DGKB: variants seen among roughly 807,000 people sequenced by gnomAD.
The protein encoded by DGKB is diacylglycerol kinase beta, also known as 90 kDa diacylglycerol kinase.
Under a neutral mutation model 114.3 loss-of-function variants are expected in DGKB, and 67 were observed. The observed-to-expected ratio is 0.59, with a 90% CI of 0.48 to 0.72. The LOEUF (loss-of-function observed/expected upper bound fraction) is 0.72, where lower values mean the gene tolerates loss of function less well. Among genes scored for constraint, DGKB ranks in the 30% least tolerant of loss-of-function variants. The pLI is 0.00. For missense variants in DGKB, 907 were observed against 975.2 expected, an observed-to-expected ratio of 0.93 and a Z score of 0.93; for synonymous variants, 398 against 323.1, an observed-to-expected ratio of 1.23 and a Z score of -2.49.
intron 2 of DGKB, among the ~76,000 whole-genome samples, chr7:14,819,467 G>A (rs1844607806): frequency 6.6e-6 from 1 of 152,102 alleles, no homozygotes; most frequent in African/African-American, 2.4e-5. Context: ...GCCTATGCCT[G>A]TGGTCCCAGC....
intron 2 of DGKB, among the ~76,000 whole-genome samples, chr7:14,765,476 G>GTT (rs1285053892): frequency 6.6e-6 from 1 of 151,858 alleles, no homozygotes; most frequent in Admixed American, 6.6e-5. Flanking sequence ...TATTATCGTT[G>GTT]TTAATCCTCT....
intron 21 of DGKB, among the ~76,000 whole-genome samples, chr7:14,476,994 C>A (rs2128902565): frequency 6.6e-6 from 1 of 152,200 alleles, no homozygotes; most frequent in Non-Finnish European, 1.5e-5. Flanking sequence ...TCATGATCTG[C>A]CCGCCTTGGC....
Position 14,171,785 on chromosome 7 carries a change from T to C in DGKB, c.2304+5054A>G, listed in dbSNP as rs115581547. On this transcript the variant is annotated intron_variant, in intron 25 of 25. Coordinates refer to ENST00000402815, the MANE Select transcript of DGKB (RefSeq NM_001350709.2). The stretch of plus-strand genomic sequence containing the variant: ...AGAAAAACACTTTTTAAAAATGTTA[T>C]ACTACCCTAAGAAGTATTTCAGAAA... 3.0e-3 allele frequency among the ~76,000 whole-genome samples: 454 copies of C among 152,318 alleles called. 2 individuals are homozygous for C. The highest frequency in any genetic ancestry group is 0.01 in the African/African-American group (430 of 41,576).
intron 1 of DGKB, among the ~76,000 whole-genome samples, chr7:14,942,123 T>G (rs1785600223): frequency 6.6e-6 from 1 of 151,992 alleles, no homozygotes. Flanking sequence ...AAAACTTTTT[T>G]TTTTTAGATT....
At chr7:14,763,938 T>A (rs1049867352) in intron 2 of DGKB, among the ~76,000 whole-genome samples, 2 of 151,938 alleles carry the variant, frequency 1.3e-5, no homozygotes, top group African/African-American at 4.8e-5. Context: ...AATATGATAG[T>A]TTTTACAAAG....
chr7:14,295,747 G>A (rs1802430709), intron 23 of DGKB, among the ~76,000 whole-genome samples: 1 of 152,024 alleles, frequency 6.6e-6, no homozygotes, highest in African/African-American at 2.4e-5. Flanking sequence ...GGATACATGT[G>A]CAGAACATGC....
intron 21 of DGKB, among the ~76,000 whole-genome samples, chr7:14,391,527 A>T (rs1023504286): frequency 1.8e-4 from 28 of 151,966 alleles, no homozygotes; most frequent in Non-Finnish European, 1.2e-4. Context: ...AAAATAAAAA[A>T]AAAAAAAGGA....
chr7:14,649,409 A>T (rs1277105130), intron 13 of DGKB, among the ~76,000 whole-genome samples: 2 of 149,906 alleles, frequency 1.3e-5, no homozygotes, highest in East Asian at 4.0e-4. Context: ...TTCATAAGTG[A>T]AGGAGAAATA....
At chr7:14,231,129 T>TTCTTTCTTTCTTTC (rs1554297210) in intron 23 of DGKB, among the ~76,000 whole-genome samples, 42 of 140,428 alleles carry the variant, frequency 3.0e-4, no homozygotes, top group African/African-American at 1.0e-3. Context: ...CTTTCTTTCT[T>TTCTTTCTTTCTTTC]TCTTTCTTTC....
intron 23 of DGKB, among the ~76,000 whole-genome samples, chr7:14,242,045 G>T (rs896430348): frequency 5.3e-5 from 8 of 151,398 alleles, no homozygotes; most frequent in East Asian, 3.9e-4. Flanking sequence ...TATATTGAAA[G>T]GTCAATATGG....
chr7:14,312,369 C>A (rs565769544), intron 23 of DGKB, among the ~76,000 whole-genome samples: 1 of 152,282 alleles, frequency 6.6e-6, no homozygotes, highest in East Asian at 1.9e-4. Context: ...AACATTTGCA[C>A]TGATGAAGCA....
chr7:14,835,484 T>C (rs529408508), intron 2 of DGKB, among the ~76,000 whole-genome samples: 3 of 152,316 alleles, frequency 2.0e-5, no homozygotes, highest in African/African-American at 7.2e-5. Context: ...CACTGCGAAA[T>C]GGCCCTGTGC....
At chr7:14,874,707 T>C (rs1045030523) in intron 1 of DGKB, among the ~76,000 whole-genome samples, 4 of 152,022 alleles carry the variant, frequency 2.6e-5, no homozygotes, top group Non-Finnish European at 5.9e-5. Context: ...CCATCTGAAA[T>C]ACTGCTTTTT....
intron 20 of DGKB, among the ~76,000 whole-genome samples, chr7:14,497,359 C>T (rs147824388): frequency 2.0e-5 from 3 of 151,784 alleles, no homozygotes; most frequent in East Asian, 1.9e-4. Context: ...TAAAATAAAA[C>T]ATAAGAAATG....
Position 14,653,376 on chromosome 7 carries a change from A to T in DGKB, c.1134+19553T>A, listed in dbSNP as rs534333430. Among the ~76,000 whole-genome samples the T allele has an allele frequency of 3.8e-3, 577 of 152,290 alleles. 1 individual carries two copies. The highest frequency in any genetic ancestry group is 0.013 in the African/African-American group (525 of 41,552). Reference sequence around the variant, plus strand: ...TGTAGGGACATGGATGAAATTGGAAATCATCATTCTCAGTAAACTACTGCA... The same window carrying T: ...TGTAGGGACATGGATGAAATTGGAATTCATCATTCTCAGTAAACTACTGCA... On this transcript the variant is annotated intron_variant, in intron 13 of 25. Transcript: ENST00000402815.
In DGKB at chr7:14,183,467, C is replaced by T. The variant is rs1782936139; in HGVS notation, c.2123-5316G>A. Among the ~76,000 whole-genome samples, 5 of 152,000 alleles carry T rather than the reference C, an allele frequency of 3.3e-5. No individual in the cohort carries two copies. In the South Asian group the frequency reaches 1.0e-3, roughly 32 times the overall value. ...AAAACATAAAGGCAGGCTTTTTGCA[C>T]CTGAAGGAACATACAATCCAATTGT... is the stretch of plus-strand genomic sequence containing the variant. On this transcript the variant is annotated intron_variant, in intron 23 of 25. Transcript: ENST00000402815.
At chr7:14,349,746 T>C (rs543174244) in intron 21 of DGKB, among the ~76,000 whole-genome samples, 2 of 152,296 alleles carry the variant, frequency 1.3e-5, no homozygotes, top group Non-Finnish European at 2.9e-5. Flanking sequence ...AAACTGGTTT[T>C]AGGTTGTAGA....
intron 21 of DGKB, among the ~76,000 whole-genome samples, chr7:14,396,819 T>C (rs969001388): frequency 6.6e-6 from 1 of 152,130 alleles, no homozygotes; most frequent in Non-Finnish European, 1.5e-5. Context: ...TATAGAGTAA[T>C]AAAACTCTGA....
chr7:14,773,280 T>C (rs1466663062), intron 2 of DGKB, among the ~76,000 whole-genome samples: 2 of 152,138 alleles, frequency 1.3e-5, no homozygotes, highest in Non-Finnish European at 2.9e-5. Context: ...TATTATTACT[T>C]GGGAAAATTT....
Sources: gnomAD v4.1 joint callset for allele counts (sites outside exome capture counted in the v4.1 genomes callset) on GRCh38, gnomAD v4.1.1 for gene constraint, MANE v1.5 for transcripts, NCBI Gene and HGNC (gene_info 2026-07-23, HGNC 2026-07-21) for gene names.